The following GRIK2 variants were observed in gnomAD, a reference collection of about 807,000 sequenced individuals.
The protein encoded by GRIK2 is glutamate receptor ionotropic, kainate 2.
A neutral mutation model predicts 100.3 loss-of-function variants in GRIK2; 32 were observed. The observed-to-expected ratio is 0.32, with a 90% confidence interval of 0.24 to 0.43. The LOEUF (loss-of-function observed/expected upper bound fraction) is 0.43, where lower values mean the gene tolerates loss of function less well. Ranked by LOEUF, GRIK2 falls within the 20% of genes least tolerant of loss-of-function variation. The pLI is 1.00. For missense variants in GRIK2, 843 were observed against 1,114.9 expected (o/e 0.76, Z 3.47); for synonymous variants, 417 against 389.4 (o/e 1.07, Z -0.83).
At chr6:101,869,143 T>C (rs1265893691) in intron 11 of GRIK2, among the ~76,000 whole-genome samples, 2 of 151,960 alleles carry the variant, frequency 1.3e-5, no homozygotes, top group Non-Finnish European at 2.9e-5. Flanking sequence ...TGAGGGATGT[T>C]ATCTTATGTA....
At chr6:101,819,230 A>G (rs1161674262) in intron 10 of GRIK2, among the ~76,000 whole-genome samples, 4 of 152,156 alleles carry the variant, frequency 2.6e-5, no homozygotes. Flanking sequence ...CTTATCAATG[A>G]CCATTCTTAT....
chr6:102,028,620 A>G (rs1769825285), intron 14 of GRIK2, among the ~76,000 whole-genome samples: 1 of 151,266 alleles, frequency 6.6e-6, no homozygotes, highest in South Asian at 2.1e-4. Context: ...TTTTTAAGAT[A>G]TGCATTTCAT....
At chr6:101,830,109 C>A (rs2128427554) in intron 10 of GRIK2, among the ~76,000 whole-genome samples, 1 of 152,042 alleles carries the variant, frequency 6.6e-6, no homozygotes, top group East Asian at 1.9e-4. Context: ...ATAGAAAACT[C>A]AGAAATAAGG....
chr6:101,999,238 G>A (rs1394848967), intron 14 of GRIK2, among the ~76,000 whole-genome samples: 3 of 151,734 alleles, frequency 2.0e-5, no homozygotes, highest in African/African-American at 7.3e-5. Context: ...GCATTTCTAT[G>A]TAAACTTTAG....
chr6:101,802,265 T>C (rs1780720295), intron 8 of GRIK2, 66 bp from the exon 9 acceptor site: 1 of 568,730 alleles, frequency 1.8e-6, no homozygotes, highest in East Asian at 3.0e-5. Flanking sequence ...TTTCCTACTT[T>C]TGTGAAAAAA....
intron 2 of GRIK2, among the ~76,000 whole-genome samples, chr6:101,596,505 G>T (rs1404009169): frequency 6.6e-6 from 1 of 151,644 alleles, no homozygotes; most frequent in East Asian, 1.9e-4. Flanking sequence ...ATGATAGGAA[G>T]AATCAAGAGA....
At chr6:101,434,281 C>G (rs1769593687) in intron 2 of GRIK2, among the ~76,000 whole-genome samples, 1 of 152,196 alleles carries the variant, frequency 6.6e-6, no homozygotes, top group Non-Finnish European at 1.5e-5. Flanking sequence ...AGGAAAGTCT[C>G]TGTAATCAAC....
At chr6:102,031,163 A>G (rs935879794) in intron 14 of GRIK2, among the ~76,000 whole-genome samples, 1 of 148,904 alleles carries the variant, frequency 6.7e-6, no homozygotes, top group Non-Finnish European at 1.5e-5. Flanking sequence ...TCCATCTCCA[A>G]CACCATTTCC....
intron 14 of GRIK2, among the ~76,000 whole-genome samples, chr6:101,973,439 T>C (rs1211050706): frequency 2.0e-5 from 3 of 151,920 alleles, no homozygotes. Context: ...AAAGATCTTC[T>C]ACAATGAAAG....
intron 2 of GRIK2, among the ~76,000 whole-genome samples, chr6:101,614,063 G>A (rs1050762350): frequency 8.6e-5 from 13 of 151,590 alleles, no homozygotes; most frequent in Admixed American, 1.3e-4. Flanking sequence ...CCAATGTGTA[G>A]TAATAAAGGC....
intron 4 of GRIK2, among the ~76,000 whole-genome samples, chr6:101,662,002 T>A (rs1383210692): frequency 6.6e-6 from 1 of 152,160 alleles, no homozygotes; most frequent in Non-Finnish European, 1.5e-5. Flanking sequence ...GTGGGCAGGG[T>A]AAGTATTTAC....
chr6:101,934,793 T>C (rs1582567734), intron 14 of GRIK2, among the ~76,000 whole-genome samples: 1 of 152,100 alleles, frequency 6.6e-6, no homozygotes, highest in Non-Finnish European at 1.5e-5. Context: ...ATTCTCAAAA[T>C]TGCAACGATA....
chr6:101,963,752 A>T (rs2128483470), intron 14 of GRIK2, among the ~76,000 whole-genome samples: 1 of 151,942 alleles, frequency 6.6e-6, no homozygotes, highest in Non-Finnish European at 1.5e-5. Context: ...ATATGCTCCA[A>T]ACCCAACCAT....
At chr6:101,666,388 T>C (rs952524829) in intron 4 of GRIK2, among the ~76,000 whole-genome samples, 1 of 152,212 alleles carries the variant, frequency 6.6e-6, no homozygotes, top group Admixed American at 6.5e-5. Flanking sequence ...TAAGTGTTTA[T>C]TAGGGTTTAA....
At chr6:101,591,869 G>A (rs369314200) in intron 2 of GRIK2, among the ~76,000 whole-genome samples, 1 of 151,956 alleles carries the variant, frequency 6.6e-6, no homozygotes, top group South Asian at 2.1e-4. Context: ...GATATGGTTT[G>A]GATGTGTGTC....
intron 2 of GRIK2, among the ~76,000 whole-genome samples, chr6:101,571,711 C>G (rs1467073895): frequency 6.6e-6 from 1 of 151,872 alleles, no homozygotes; most frequent in African/African-American, 2.4e-5. Flanking sequence ...TAGAACTGTG[C>G]CTACTTGAAG....
At chr6:101,438,758 C>A (rs1466144720) in intron 2 of GRIK2, among the ~76,000 whole-genome samples, 2 of 152,082 alleles carry the variant, frequency 1.3e-5, no homozygotes, top group Admixed American at 6.6e-5. Context: ...TGATAAGGAA[C>A]AATGTGCTTT....
At chr6:102,002,721 ATTAT>A (rs1186486057) in intron 14 of GRIK2, among the ~76,000 whole-genome samples, 1 of 150,782 alleles carries the variant, frequency 6.6e-6, no homozygotes, top group Non-Finnish European at 1.5e-5. Flanking sequence ...TTCCTTCATA[ATTAT>A]TCAGTCACTG....
chr6:101,574,381 G>A (rs1777701267), intron 2 of GRIK2, among the ~76,000 whole-genome samples: 1 of 147,116 alleles, frequency 6.8e-6, no homozygotes, highest in African/African-American at 2.5e-5. Context: ...AATATATAAA[G>A]TGTATATATA....
Sources: gnomAD v4.1 joint callset for allele counts (sites outside exome capture counted in the v4.1 genomes callset) on GRCh38, gnomAD v4.1.1 for gene constraint, MANE v1.5 for transcripts, NCBI Gene and HGNC (gene_info 2026-07-23, HGNC 2026-07-21) for gene names.